The following LRRK1 variants were observed in gnomAD, a reference collection of about 807,000 sequenced individuals.
LRRK1 encodes the protein leucine-rich repeat serine/threonine-protein kinase 1.
Under a neutral mutation model 209.1 loss-of-function variants are expected in LRRK1, and 113 were observed. The ratio of observed to expected loss-of-function variants is 0.54; its 90% confidence interval spans 0.46 to 0.63. The LOEUF (loss-of-function observed/expected upper bound fraction) is 0.63. Among genes scored for constraint, LRRK1 ranks in the 30% least tolerant of loss-of-function variants. LRRK1 has a pLI of 0.00. For synonymous variants in LRRK1, 1,144 were observed against 1,099.7 expected, an observed-to-expected ratio of 1.04 and a Z score of -0.80; for missense variants, 2,284 against 2,632.2, an observed-to-expected ratio of 0.87 and a Z score of 2.89.
At position 100,945,482 on chromosome 15, in the gene LRRK1, C is replaced by CTTTTTTTTTTTTTTTTT. The variant is rs34038990; in HGVS notation, c.97+20768_97+20784dup. ...TTTAAAAACTATCTCTGCAGAGCCT[C>CTTTTTTTTTTTTTTTTT]TTTTTTTTTTTTTTTTTTTTTTTTT... is the stretch of plus-strand genomic sequence containing the variant. On this transcript the variant is annotated intron_variant, in intron 2 of 33. Coordinates refer to ENST00000388948, the MANE Select transcript of LRRK1 (RefSeq NM_024652.6). Among the ~76,000 whole-genome samples the CTTTTTTTTTTTTTTTTT allele has an allele frequency of 4.7e-5, 3 of 63,572 alleles. 1 individual carries two copies. Among genetic ancestry groups the CTTTTTTTTTTTTTTTTT allele is most frequent in the Non-Finnish European group, 8.6e-5 (3 of 34,898 alleles). 41.7% of individuals were successfully genotyped at this position (63,572 alleles called of 152,430 possible). A position where few individuals can be genotyped will look rare whatever the true frequency, so the allele number is the denominator to read the frequency against.
rs1195864372 is a variant in LRRK1, at chr15:101,012,115, A to G, written c.1389A>G (p.Lys463=). ...TGGATTTCTCAGAAAACGCACTCAA[A>G]GAAGTTCCCCTGGGACTTTTCCAGC... is the stretch of plus-strand genomic sequence containing the variant. ...KDVDFSENAL[K]EVPLGLFQLD... Residue 463 remains lysine (K), a synonymous_variant, in exon 10 of 34, where the codon AAA becomes AAG. Transcript: ENST00000388948. 1.9e-6 allele frequency: 3 copies of G among 1,612,264 alleles called. No individual in the cohort carries two copies. The highest frequency in any genetic ancestry group is 2.5e-6 in the Non-Finnish European group (3 of 1,179,562).
intron 2 of LRRK1, among the ~76,000 whole-genome samples, chr15:100,951,718 G>A (rs1462750973): frequency 2.0e-5 from 3 of 152,106 alleles, no homozygotes; most frequent in African/African-American, 7.2e-5. Context: ...TTGGGAGGCC[G>A]AGACAGGTGG....
chr15:101,002,637 C>G (rs1320510194), intron 6 of LRRK1, among the ~76,000 whole-genome samples: 1 of 152,188 alleles, frequency 6.6e-6, no homozygotes, highest in East Asian at 1.9e-4. Context: ...TATTGTGATT[C>G]TGCCTGGACT....
In LRRK1 at chr15:101,066,644, G is replaced by C; in HGVS notation, c.5773G>C (p.Gly1925Arg). ...VRDLIWVPRR[G>R]GDVIVIGLEK... is the part of the protein sequence containing the mutation. ...TTCTGGGTTTTGGTTGCTTAGGCGC[G>C]GTGGAGATGTTATCGTCATTGGCCT... The change falls in exon 33 of 34, where the codon GGT (glycine) becomes CGT (arginine). Residue 1925 changes from glycine to arginine, a missense_variant. By Grantham distance (125) the Gly-to-Arg change is moderately radical (BLOSUM62 -2). Around this residue, in one of 6 missense-constraint regions of LRRK1, gnomAD observed 643 missense variants for 695.9 expected, o/e 0.92. Coordinates refer to ENST00000388948, the MANE Select transcript of LRRK1 (RefSeq NM_024652.6). 6.2e-7 allele frequency: 1 copy of C among 1,614,142 alleles called. No individual in the cohort carries two copies. Among genetic ancestry groups the C allele is most frequent in the Non-Finnish European group, 8.5e-7 (1 of 1,179,958 alleles).
chr15:101,056,380 G>A (rs1271948668), intron 27 of LRRK1, among the ~76,000 whole-genome samples: 2 of 152,210 alleles, frequency 1.3e-5, no homozygotes, highest in African/African-American at 2.4e-5. Context: ...CTTAATCAGT[G>A]ACTAACAGCA....
chr15:101,018,826 T>A (rs1225513350), intron 12 of LRRK1, among the ~76,000 whole-genome samples: 1 of 152,118 alleles, frequency 6.6e-6, no homozygotes, highest in Non-Finnish European at 1.5e-5. Context: ...CACACCTGAG[T>A]GAAAAGAAGG....
intron 20 of LRRK1, among the ~76,000 whole-genome samples, chr15:101,042,944 C>G (rs994717592): frequency 6.6e-6 from 1 of 152,206 alleles, no homozygotes; most frequent in Non-Finnish European, 1.5e-5. Context: ...GAGGGCCAGG[C>G]TGGGGGAGCA....
chr15:101,042,232 A>G (rs537329555), intron 20 of LRRK1, among the ~76,000 whole-genome samples: 1 of 150,840 alleles, frequency 6.6e-6, no homozygotes, highest in East Asian at 1.9e-4. Context: ...TTTAGACAAG[A>G]CTTTTGTTTA....
At chr15:100,980,464 C>A (rs923964494) in intron 3 of LRRK1, among the ~76,000 whole-genome samples, 2 of 151,982 alleles carry the variant, frequency 1.3e-5, no homozygotes, top group Admixed American at 6.6e-5. Flanking sequence ...ATGAGGGAGA[C>A]CTTTTGATGG....
intron 3 of LRRK1, among the ~76,000 whole-genome samples, chr15:100,980,308 C>CTCAAAAGA (rs2141660559): frequency 6.6e-6 from 1 of 151,524 alleles, no homozygotes; most frequent in Non-Finnish European, 1.5e-5. Flanking sequence ...AAAAGCCAAT[C>CTCAAAAGA]TCAAAAGATC....
chr15:100,973,439 G>C (rs2031067534), intron 2 of LRRK1, among the ~76,000 whole-genome samples: 1 of 152,310 alleles, frequency 6.6e-6, no homozygotes, highest in South Asian at 2.1e-4. Context: ...CAGCGGGACA[G>C]CGTGGCTGAG....
rs1314503355 is a variant in LRRK1 at position 101,054,989 on chromosome 15, A to G, written c.4098A>G (p.Ile1366Met). ...TGGGACACATGCTCACCCAAAAAAT[A>G]GCCTACCAGATCGCCTCGGGCCTGG... ...IPLGHMLTQK[I>M]AYQIASGLAY... The change falls in exon 27 of 34, where the codon ATA (isoleucine) becomes ATG (methionine). Residue 1366 changes from isoleucine to methionine, a missense_variant. Physicochemically the swap from Ile to Met is conservative, Grantham distance 10. Transcript: ENST00000388948. The G allele has an allele frequency of 6.2e-7, 1 of 1,613,896 alleles. No individual in the cohort carries two copies. Among genetic ancestry groups the G allele is most frequent in the East Asian group, 2.2e-5 (1 of 44,860 alleles).
chr15:101,019,436 A>G (rs2033680790), intron 12 of LRRK1, among the ~76,000 whole-genome samples: 1 of 152,228 alleles, frequency 6.6e-6, no homozygotes, highest in Non-Finnish European at 1.5e-5. Context: ...ATACAAAGCC[A>G]TCTTTAGAAG....
chr15:101,059,365 T>TCCAGCCTG (rs1218977577), intron 29 of LRRK1, among the ~76,000 whole-genome samples: 1 of 152,154 alleles, frequency 6.6e-6, no homozygotes, highest in African/African-American at 2.4e-5. Flanking sequence ...GCCACTGCAC[T>TCCAGCCTG]CCAGCCTGGG....
In LRRK1 at chr15:101,015,196, C is replaced by T. The variant is rs979558623; in HGVS notation, c.1533-130C>T. 1.3e-5 allele frequency: 9 copies of T among 702,274 alleles called. No homozygotes were observed. In the Admixed American group the frequency reaches 1.9e-4, roughly 15 times the overall value. 43.5% of individuals were successfully genotyped at this position (702,274 alleles called of 1,614,324 possible). Reference sequence around the variant, plus strand: ...AGGCAGCCGCCACTGCAGCGTGCGCCCCTGCCAGGCCCTGAAGAGTTGCAC... The same window carrying T: ...AGGCAGCCGCCACTGCAGCGTGCGCTCCTGCCAGGCCCTGAAGAGTTGCAC... On this transcript the variant is annotated intron_variant, in intron 11 of 33. Coordinates refer to ENST00000388948, the MANE Select transcript of LRRK1 (RefSeq NM_024652.6).
At chr15:101,031,447 T>C (rs1203396646) in intron 20 of LRRK1, among the ~76,000 whole-genome samples, 1 of 152,248 alleles carries the variant, frequency 6.6e-6, no homozygotes, top group Admixed American at 6.5e-5. Flanking sequence ...GAGTTTGTTC[T>C]TTCTGTTGCT....
intron 20 of LRRK1, among the ~76,000 whole-genome samples, chr15:101,041,872 T>C (rs1377761560): frequency 2.0e-5 from 3 of 152,080 alleles, no homozygotes; most frequent in Admixed American, 6.6e-5. Context: ...TTAACAACAA[T>C]AACAACAAAA....
intron 29 of LRRK1, among the ~76,000 whole-genome samples, chr15:101,058,463 A>G (rs2035943749): frequency 6.6e-6 from 1 of 152,238 alleles, no homozygotes; most frequent in South Asian, 2.1e-4. Context: ...ACCTGAGCCC[A>G]GGAGTTCAAG....
chr15:100,994,136 G>A (rs577645273), intron 6 of LRRK1, among the ~76,000 whole-genome samples: 41 of 152,208 alleles, frequency 2.7e-4, no homozygotes, highest in African/African-American at 9.9e-4. Flanking sequence ...ATAACACCTC[G>A]GTAAGAACTG....
Sources: allele counts gnomAD v4.1 joint callset (sites outside exome capture counted in the v4.1 genomes callset), GRCh38; gene constraint gnomAD v4.1.1; regional missense constraint gnomAD v4.1.1; transcripts MANE v1.5; gene names NCBI Gene and HGNC (gene_info 2026-07-23, HGNC 2026-07-21).